The following MAST4 variants were observed in gnomAD, a reference collection of about 807,000 sequenced individuals.
The protein encoded by MAST4 is microtubule-associated serine/threonine-protein kinase 4.
Under a neutral mutation model 162.7 loss-of-function variants are expected in MAST4, and 89 were observed. The observed-to-expected ratio is 0.55, with a 90% confidence interval of 0.46 to 0.65. MAST4 has a LOEUF of 0.65. Ranked by LOEUF, MAST4 falls within the 30% of genes least tolerant of loss-of-function variation. The probability of loss-of-function intolerance (pLI) is 0.00; values close to 1 mark genes in which losing one functional copy is unlikely to be tolerated. For missense variants in MAST4, 3,153 were observed against 3,374.0 expected (o/e 0.93, Z 1.62); for synonymous variants, 1,479 against 1,361.1 (o/e 1.09, Z -1.91).
At chr5:66,726,787 A>G (rs944678943) in intron 1 of MAST4, among the ~76,000 whole-genome samples, 1 of 152,074 alleles carries the variant, frequency 6.6e-6, no homozygotes, top group Non-Finnish European at 1.5e-5. Context: ...GAACCCTATT[A>G]TGAACTGCGC....
intron 4 of MAST4, among the ~76,000 whole-genome samples, chr5:66,941,346 A>G (rs1394731748): frequency 6.6e-6 from 1 of 152,160 alleles, no homozygotes; most frequent in Non-Finnish European, 1.5e-5. Flanking sequence ...TAGTGTAGCT[A>G]GATCTTCTGG....
intron 5 of MAST4, among the ~76,000 whole-genome samples, chr5:67,078,676 ATATT>A (rs1263758531): frequency 2.1e-4 from 28 of 134,586 alleles, no homozygotes; most frequent in South Asian, 4.4e-4. Context: ...TATTTATATT[ATATT>A]TATTTATATT....
At chr5:66,705,264 CT>C (rs959813531) in intron 1 of MAST4, among the ~76,000 whole-genome samples, 3 of 152,068 alleles carry the variant, frequency 2.0e-5, no homozygotes, top group African/African-American at 7.2e-5. Context: ...CTGTAGCTTC[CT>C]TTTTTCTATT....
chr5:66,946,814 A>T (rs901985882), intron 4 of MAST4, among the ~76,000 whole-genome samples: 2 of 152,214 alleles, frequency 1.3e-5, no homozygotes, highest in South Asian at 2.1e-4. Context: ...ATAATTCAGA[A>T]TGCATTACGA....
At chr5:66,967,262 A>C (rs189119714) in intron 4 of MAST4, among the ~76,000 whole-genome samples, 1 of 152,256 alleles carries the variant, frequency 6.6e-6, no homozygotes, top group Admixed American at 6.5e-5. Flanking sequence ...GGAAGATTCT[A>C]TTCTTTTCAT....
At chr5:66,773,667 G>C (rs948752802) in intron 2 of MAST4, among the ~76,000 whole-genome samples, 1 of 152,152 alleles carries the variant, frequency 6.6e-6, no homozygotes, top group Non-Finnish European at 1.5e-5. Context: ...TCTTAAAAGA[G>C]GTTTCTTTTA....
At chr5:66,924,792 C>T (rs1445272693) in intron 4 of MAST4, among the ~76,000 whole-genome samples, 2 of 151,972 alleles carry the variant, frequency 1.3e-5, no homozygotes, top group Non-Finnish European at 2.9e-5. Context: ...TAAAATTACC[C>T]CATATTTTAT....
intron 2 of MAST4, among the ~76,000 whole-genome samples, chr5:66,766,295 G>A (rs960066314): frequency 6.6e-6 from 1 of 152,018 alleles, no homozygotes; most frequent in African/African-American, 2.4e-5. Flanking sequence ...CCAAATGTTT[G>A]GGTTGGTTGG....
chr5:67,083,621 G>GA (rs950877344), intron 5 of MAST4, among the ~76,000 whole-genome samples: 8 of 150,748 alleles, frequency 5.3e-5, no homozygotes, highest in East Asian at 3.9e-4. Context: ...ATGTAAGATA[G>GA]AAAAAAAAAT....
chr5:67,083,161 C>T (rs1391874780), intron 5 of MAST4, among the ~76,000 whole-genome samples: 2 of 152,158 alleles, frequency 1.3e-5, no homozygotes, highest in Non-Finnish European at 2.9e-5. Flanking sequence ...TGGCACATCA[C>T]GTATTATTTT....
At chr5:66,814,687 A>T (rs1431140414) in intron 3 of MAST4, among the ~76,000 whole-genome samples, 1 of 152,238 alleles carries the variant, frequency 6.6e-6, no homozygotes, top group Non-Finnish European at 1.5e-5. Context: ...TCTGTCAAGC[A>T]TGTGAGATAA....
chr5:66,614,237 C>T (rs919112490), intron 1 of MAST4, among the ~76,000 whole-genome samples: 3 of 152,180 alleles, frequency 2.0e-5, no homozygotes, highest in African/African-American at 2.4e-5. Context: ...CGTGAGGCCC[C>T]GCGTGGGTGT....
Position 66,596,708 on chromosome 5 carries a change from G to T in MAST4, c.53G>T (p.Gly18Val). 1 of 1,453,786 alleles carries T rather than the reference G, an allele frequency of 6.9e-7. No individual in the cohort carries two copies. The highest frequency in any genetic ancestry group is 9.1e-7 in the Non-Finnish European group (1 of 1,104,098). The allele number at this position is 1,453,786 out of a possible 1,614,324, so 90.1% of individuals were successfully genotyped here. Reference sequence around the variant, plus strand: ...GAGCCGGTGCCCCGCGGCTGCAGTGGCCACGGCAGCCGGACTCCAGCCTCT... The same window carrying T: ...GAGCCGGTGCCCCGCGGCTGCAGTGTCCACGGCAGCCGGACTCCAGCCTCT... ...APEPVPRGCS[G>V]HGSRTPASAL... is the part of the protein sequence containing the mutation. The change falls in exon 1 of 29, where the codon GGC becomes GTC. Residue 18 changes from glycine (G) to valine (V), a missense_variant. Gly to Val is a moderately radical substitution (Grantham distance 109, BLOSUM62 -3). Coordinates refer to ENST00000403625, the MANE Select transcript of MAST4 (RefSeq NM_001164664.2).
chr5:66,666,432 T>C (rs1017165819), intron 1 of MAST4, among the ~76,000 whole-genome samples: 4 of 152,226 alleles, frequency 2.6e-5, no homozygotes, highest in Admixed American at 6.5e-5. Flanking sequence ...TAATAAAAAT[T>C]GCACAAATCA....
At chr5:67,132,632 C>T (rs1413494555) in intron 16 of MAST4, among the ~76,000 whole-genome samples, 2 of 152,022 alleles carry the variant, frequency 1.3e-5, no homozygotes, top group Non-Finnish European at 2.9e-5. Context: ...TACAGATAGA[C>T]TTTTTTCCCC....
intron 4 of MAST4, among the ~76,000 whole-genome samples, chr5:66,973,741 T>G (rs946772243): frequency 1.1e-4 from 17 of 152,220 alleles, no homozygotes; most frequent in Non-Finnish European, 2.5e-4. Context: ...TTTCTATTAA[T>G]TGGTGTTCTT....
intron 2 of MAST4, among the ~76,000 whole-genome samples, chr5:66,782,306 G>C (rs865940405): frequency 7.2e-6 from 1 of 139,694 alleles, no homozygotes; most frequent in East Asian, 2.0e-4. Context: ...AAAAAAAAAA[G>C]AAAACACATT....
intron 19 of MAST4, among the ~76,000 whole-genome samples, chr5:67,137,666 A>G (rs915067511): frequency 6.6e-6 from 1 of 152,222 alleles, no homozygotes; most frequent in Non-Finnish European, 1.5e-5. Context: ...GTATAGACGA[A>G]TGCTGTGCTA....
chr5:66,926,022 T>C (rs1010349161), intron 4 of MAST4, among the ~76,000 whole-genome samples: 3 of 152,218 alleles, frequency 2.0e-5, no homozygotes, highest in African/African-American at 7.2e-5. Context: ...TGACCAGTCT[T>C]CTATATAAAG....
Sources: allele counts gnomAD v4.1 joint callset (sites outside exome capture counted in the v4.1 genomes callset), GRCh38; gene constraint gnomAD v4.1.1; transcripts MANE v1.5; gene names NCBI Gene and HGNC (gene_info 2026-07-23, HGNC 2026-07-21).